Variants in CAGE1 observed in about 807,000 individuals in gnomAD.
CAGE1 encodes the protein cancer-associated gene 1 protein.
CAGE1 carries 66 observed loss-of-function variants against 94.9 expected under a neutral mutation model. That is an observed-to-expected ratio of 0.70 (90% CI 0.57 to 0.85). The LOEUF is 0.85. CAGE1 is among the 40% of genes least tolerant of loss of function. The probability of loss-of-function intolerance (pLI) is 0.00; values close to 1 mark genes in which losing one functional copy is unlikely to be tolerated. For missense variants in CAGE1, 865 were observed against 950.4 expected (o/e 0.91, Z 1.18); for synonymous variants, 319 against 321.0 (o/e 0.99, Z 0.07).
chr6:7,379,081 G>T, intron 3 of CAGE1, 61 bp from the exon 4 acceptor site: 1 of 1,032,584 alleles, frequency 9.7e-7, no homozygotes, highest in Non-Finnish European at 1.4e-6. Flanking sequence ...GATGGTAACA[G>T]TTATATTTAT....
intron 11 of CAGE1, among the ~76,000 whole-genome samples, chr6:7,344,650 G>A (rs975286162): frequency 3.3e-5 from 5 of 152,336 alleles, no homozygotes; most frequent in East Asian, 3.9e-4. Context: ...CCCCGGTGCC[G>A]GATCCACTGG....
At chr6:7,345,303 T>C (rs567553099) in intron 11 of CAGE1, among the ~76,000 whole-genome samples, 5 of 152,144 alleles carry the variant, frequency 3.3e-5, no homozygotes, top group African/African-American at 1.2e-4. Context: ...GGTTTGCAGT[T>C]TTATTTCTGA....
intron 11 of CAGE1, chr6:7,341,279 G>A: frequency 1.5e-6 from 1 of 662,038 alleles, no homozygotes; most frequent in South Asian, 1.5e-5. Flanking sequence ...TCCTTGTGGT[G>A]GGTGTAAACA....
intron 11 of CAGE1, among the ~76,000 whole-genome samples, chr6:7,350,876 C>T (rs1456203390): frequency 2.0e-5 from 3 of 152,066 alleles, no homozygotes; most frequent in African/African-American, 7.2e-5. Context: ...ACAAACCAAA[C>T]TCAAACCCAG....
Position 7,346,246 on chromosome 6 carries a change from A to T in CAGE1, c.2369+8795T>A, listed in dbSNP as rs553494743. Among the ~76,000 whole-genome samples the T allele has an allele frequency of 4.6e-5, 7 of 152,314 alleles. No individual in the cohort carries two copies. The East Asian group carries it at 1.4e-3, about 29-fold the overall frequency. Reference sequence around the variant, plus strand: ...CTGTTCTTCATGGATATAACAGACTAGATTTGATTTTTTAAAAAGTAAATC... The same window carrying T: ...CTGTTCTTCATGGATATAACAGACTTGATTTGATTTTTTAAAAAGTAAATC... On this transcript the variant is annotated intron_variant, in intron 11 of 13. Transcript: ENST00000502583.
At chr6:7,368,056 G>A (rs150522127) in intron 7 of CAGE1, among the ~76,000 whole-genome samples, 1 of 151,376 alleles carries the variant, frequency 6.6e-6, no homozygotes, top group Non-Finnish European at 1.5e-5. Context: ...CATTAAATTC[G>A]GCCTGGTCAA....
rs983472713 is a variant in CAGE1, at chr6:7,339,250, A to T, written c.2370-5160T>A. The T allele has an allele frequency of 1.3e-6, 2 of 1,580,822 alleles. No individual in the cohort carries two copies. Among genetic ancestry groups the T allele is most frequent in the Admixed American group, 1.7e-5 (1 of 59,984 alleles). ...ACAGCAAGCCCTCCTAGGAGTTTGT[A>T]AGGCAGAGACTCTGCCTGGGCAATG... On this transcript the variant is annotated intron_variant, in intron 11 of 13. Transcript: ENST00000502583. The surrounding 1 kb of genome is among the most constrained non-coding windows in gnomAD (Gnocchi z 4.7).
chr6:7,384,894 C>T (rs1197394136), intron 3 of CAGE1, among the ~76,000 whole-genome samples: 2 of 152,088 alleles, frequency 1.3e-5, no homozygotes, highest in African/African-American at 2.4e-5. Context: ...GACGGGGTTT[C>T]GTCCTATTGC....
intron 11 of CAGE1, among the ~76,000 whole-genome samples, chr6:7,351,033 AG>A (rs1759750156): frequency 6.6e-6 from 1 of 152,234 alleles, no homozygotes; most frequent in Admixed American, 6.5e-5. Context: ...TAAAATTGAT[AG>A]ATCATTGATA....
chr6:7,360,294 G>A (rs1760124264), intron 9 of CAGE1, among the ~76,000 whole-genome samples: 1 of 152,114 alleles, frequency 6.6e-6, no homozygotes, highest in Non-Finnish European at 1.5e-5. Flanking sequence ...CCATTATCCT[G>A]CTACCACACA....
At chr6:7,381,325 G>A (rs538416844) in intron 3 of CAGE1, among the ~76,000 whole-genome samples, 1 of 152,334 alleles carries the variant, frequency 6.6e-6, no homozygotes, top group East Asian at 1.9e-4. Context: ...AAAAGGCCAT[G>A]TGAGACACTG....
intron 3 of CAGE1, among the ~76,000 whole-genome samples, chr6:7,382,935 T>C (rs1462860141): frequency 6.6e-6 from 1 of 152,102 alleles, no homozygotes; most frequent in African/African-American, 2.4e-5. Flanking sequence ...AAGAAATCTT[T>C]TCTGTTGTCA....
chr6:7,349,182 A>G (rs1759678333), intron 11 of CAGE1, among the ~76,000 whole-genome samples: 1 of 152,240 alleles, frequency 6.6e-6, no homozygotes, highest in Admixed American at 6.5e-5. Context: ...TAACCTATAA[A>G]GGAAACTTAT....
At chr6:7,343,198 A>AAAAAAAGAAAAGAAAAGAAAAGAAAAG (rs574460085) in intron 11 of CAGE1, among the ~76,000 whole-genome samples, 2 of 137,320 alleles carry the variant, frequency 1.5e-5, no homozygotes, top group Admixed American at 7.8e-5. Flanking sequence ...CACAAAAAAA[A>AAAAAAAGAAAAGAAAAGAAAAGAAAAG]AAAAGAAAAG....
At chr6:7,355,178 C>T in intron 10 of CAGE1, 67 bp from the exon 11 acceptor site, 1 of 1,094,090 alleles carries the variant, frequency 9.1e-7, no homozygotes, top group Admixed American at 2.2e-5. Context: ...TTTTTTATGA[C>T]TACAAGTTGA....
intron 6 of CAGE1, among the ~76,000 whole-genome samples, chr6:7,369,566 C>T (rs926286978): frequency 6.6e-6 from 1 of 152,200 alleles, no homozygotes; most frequent in Non-Finnish European, 1.5e-5. Flanking sequence ...ATTGGGCAAA[C>T]AGCTCATTAA....
chr6:7,337,010 C>G (rs937918726), intron 11 of CAGE1, among the ~76,000 whole-genome samples: 2 of 152,034 alleles, frequency 1.3e-5, no homozygotes, highest in African/African-American at 4.8e-5. Flanking sequence ...GTCTTTTGAT[C>G]TGTTAACAGT....
At chr6:7,368,347 T>A (rs1561862033) in intron 7 of CAGE1, among the ~76,000 whole-genome samples, 1 of 151,782 alleles carries the variant, frequency 6.6e-6, no homozygotes, top group Non-Finnish European at 1.5e-5. Context: ...GAAATAAAAT[T>A]ATTTTCAATG....
intron 11 of CAGE1, among the ~76,000 whole-genome samples, chr6:7,345,954 G>C (rs1944208801): frequency 6.6e-6 from 1 of 152,058 alleles, no homozygotes; most frequent in East Asian, 1.9e-4. Context: ...TATAGCCTAT[G>C]AATGCATTTG....
Sources: gnomAD v4.1 joint callset for allele counts (sites outside exome capture counted in the v4.1 genomes callset) on GRCh38, gnomAD v4.1.1 for gene constraint, Gnocchi (gnomAD v3.1) non-coding constraint, MANE v1.5 for transcripts, NCBI Gene and HGNC (gene_info 2026-07-23, HGNC 2026-07-21) for gene names.